Variants in SGCD observed in about 807,000 individuals in gnomAD.
SGCD encodes the protein delta-sarcoglycan.
A neutral mutation model predicts 36.6 loss-of-function variants in SGCD; 18 were observed. The ratio of observed to expected loss-of-function variants is 0.49; its 90% CI spans 0.34 to 0.73. The LOEUF (loss-of-function observed/expected upper bound fraction) is 0.73. Ranked by LOEUF, SGCD falls within the 30% of genes least tolerant of loss-of-function variation. The pLI is 0.01. For missense variants in SGCD, 387 were observed against 346.7 expected (o/e 1.12, Z -0.92); for synonymous variants, 133 against 130.6 (o/e 1.02, Z -0.12).
At chr5:155,761,787 T>A in the SGCD span, among the ~76,000 whole-genome samples, 1 of 151,762 alleles carries the variant, frequency 6.6e-6, no homozygotes, top group South Asian at 2.1e-4. Context: ...ATCATCTCCA[T>A]CACCATCTCC....
At chr5:155,892,765 A>C (rs1323324489) in intron 1 of SGCD, among the ~76,000 whole-genome samples, 1 of 152,240 alleles carries the variant, frequency 6.6e-6, no homozygotes, top group African/African-American at 2.4e-5. Context: ...TTTATGGCTG[A>C]ATAGTATTAC....
chr5:156,640,786 A>G (rs1276610664), intron 6 of SGCD, among the ~76,000 whole-genome samples: 1 of 152,194 alleles, frequency 6.6e-6, no homozygotes, highest in Non-Finnish European at 1.5e-5. Flanking sequence ...CTGATTCCTA[A>G]AAAGAAAATA....
At chr5:156,229,918 T>A (rs946998709) in intron 3 of SGCD, among the ~76,000 whole-genome samples, 2 of 152,176 alleles carry the variant, frequency 1.3e-5, no homozygotes, top group African/African-American at 4.8e-5. Flanking sequence ...ATTTTTGAGT[T>A]CCGAATTTCT....
chr5:156,267,802 TA>T (rs1766041558), intron 3 of SGCD, among the ~76,000 whole-genome samples: 1 of 152,250 alleles, frequency 6.6e-6, no homozygotes, highest in Admixed American at 6.5e-5. Flanking sequence ...AAGGCAAATT[TA>T]AAAGTTCACA....
intron 4 of SGCD, among the ~76,000 whole-genome samples, chr5:156,516,634 T>C (rs1260212462): frequency 1.3e-5 from 2 of 152,120 alleles, no homozygotes. Flanking sequence ...AGCACCTTTC[T>C]AGCAAGGACA....
intron 1 of SGCD, among the ~76,000 whole-genome samples, chr5:156,032,706 C>CAAAAAAAAA (rs1171072619): frequency 0.024 from 359 of 15,056 alleles, 104 homozygotes; most frequent in East Asian, 0.12. Context: ...GACTCCGTCT[C>CAAAAAAAAA]AAAAAAAAAA....
intron 3 of SGCD, among the ~76,000 whole-genome samples, chr5:156,195,200 A>G (rs1304029671): frequency 6.6e-6 from 1 of 152,204 alleles, no homozygotes. Context: ...ACCCTGTGCT[A>G]GCCTATTTCA....
chr5:156,157,358 C>T lies in SGCD; in HGVS notation c.-44+33339C>T, dbSNP rs941061429. Among the ~76,000 whole-genome samples, 41 of 151,688 alleles carry T rather than the reference C, an allele frequency of 2.7e-4. 2 individuals are homozygous for T. Among genetic ancestry groups the T allele is most frequent in the African/African-American group, 8.8e-4 (36 of 41,006 alleles). ...CTAACTCTCAAATTATAAAATGCAC[C>T]GTAGAAAGTGTAGTTAGGAATAAAC... On this transcript the variant is annotated intron_variant, in intron 3 of 9. Transcript: ENST00000517913.
intron 4 of SGCD, among the ~76,000 whole-genome samples, chr5:156,523,330 A>G (rs1302752528): frequency 6.6e-6 from 1 of 152,164 alleles, no homozygotes; most frequent in Non-Finnish European, 1.5e-5. Context: ...TGCATGTTGA[A>G]CTCATGAGAA....
At position 156,369,870 on chromosome 5, in the gene SGCD, A is replaced by C. The variant is rs549618749; in HGVS notation, c.192+25193A>C. 5.3e-5 allele frequency among the ~76,000 whole-genome samples: 8 copies of C among 152,324 alleles called. No homozygotes were observed. The South Asian group carries it at 1.5e-3, about 28-fold the overall frequency. ...AGAGAAATTCCAAATGGGGTTTAAA[A>C]TGGAAATAGAAAAGTTGAATCAGGC... is the stretch of plus-strand genomic sequence containing the variant. On this transcript the variant is annotated intron_variant, in intron 3 of 8. Coordinates refer to ENST00000337851, the MANE Select transcript of SGCD (RefSeq NM_000337.6).
chr5:156,671,287 T>C (rs1753281518), intron 7 of SGCD, among the ~76,000 whole-genome samples: 1 of 149,662 alleles, frequency 6.7e-6, no homozygotes, highest in African/African-American at 2.5e-5. Flanking sequence ...TTTTTTTTTT[T>C]TTTGAGACAG....
chr5:156,116,772 C>T (rs1398546176), intron 1 of SGCD, among the ~76,000 whole-genome samples: 2 of 152,094 alleles, frequency 1.3e-5, no homozygotes, highest in African/African-American at 4.8e-5. Context: ...AATATTGTCT[C>T]ATTAGTTTAT....
rs527926350 is a variant in SGCD at position 156,605,492 on chromosome 5, A to T, written c.502+10441A>T. The stretch of plus-strand genomic sequence containing the variant: ...GTTCCAAGGCTTTGCTAGTGTGAAT[A>T]GTGCTGCAATAAAAATACGTCTGCA... On this transcript the variant is annotated intron_variant, in intron 6 of 8. Transcript: ENST00000337851. 2.6e-5 allele frequency among the ~76,000 whole-genome samples: 4 copies of T among 152,338 alleles called. 1 individual carries two copies. The highest frequency in any genetic ancestry group is 9.6e-5 in the African/African-American group (4 of 41,584).
chr5:156,118,929 G>A (rs1025701806), intron 2 of SGCD, among the ~76,000 whole-genome samples: 3 of 152,150 alleles, frequency 2.0e-5, no homozygotes, highest in African/African-American at 7.2e-5. Flanking sequence ...TCTAGTTACA[G>A]TTGGACACCT....
intron 3 of SGCD, among the ~76,000 whole-genome samples, chr5:156,442,057 A>T (rs1753515843): frequency 6.6e-6 from 1 of 152,192 alleles, no homozygotes; most frequent in East Asian, 1.9e-4. Flanking sequence ...ATAATGGTGT[A>T]CTTGCTTAGA....
At chr5:156,073,421 G>GGAATGAT (rs939426737) in intron 1 of SGCD, among the ~76,000 whole-genome samples, 3 of 152,126 alleles carry the variant, frequency 2.0e-5, no homozygotes, top group Non-Finnish European at 2.9e-5. Context: ...AAGTTAGCTA[G>GGAATGAT]GAATGATGGT....
intron 1 of SGCD, among the ~76,000 whole-genome samples, chr5:155,957,093 T>G (rs1386104327): frequency 7.1e-6 from 1 of 141,108 alleles, no homozygotes; most frequent in East Asian, 2.1e-4. Context: ...AATAAGGTGC[T>G]CAAGGAAGAC....
At chr5:156,754,060 A>G (rs1270287564) in intron 7 of SGCD, among the ~76,000 whole-genome samples, 1 of 152,186 alleles carries the variant, frequency 6.6e-6, no homozygotes, top group Non-Finnish European at 1.5e-5. Flanking sequence ...CTTTCACAAT[A>G]GGACACTTTC....
chr5:156,500,181 G>C (rs904105069), intron 3 of SGCD, among the ~76,000 whole-genome samples: 2 of 152,148 alleles, frequency 1.3e-5, no homozygotes, highest in Non-Finnish European at 2.9e-5. Context: ...GGAATCTCAT[G>C]TAGGAACAGG....
Sources: allele counts gnomAD v4.1 joint callset (sites outside exome capture counted in the v4.1 genomes callset), GRCh38; gene constraint gnomAD v4.1.1; transcripts MANE v1.5; gene names NCBI Gene and HGNC (gene_info 2026-07-23, HGNC 2026-07-21).